The following SEMA6D variants were observed in gnomAD, a reference collection of about 807,000 sequenced individuals.
SEMA6D encodes semaphorin 6D, also known as semaphorin-6D.
A neutral mutation model predicts 106.6 loss-of-function variants in SEMA6D; 35 were observed. That is an observed-to-expected ratio of 0.33 (90% CI 0.25 to 0.44). SEMA6D has a LOEUF of 0.44. SEMA6D is among the 20% of genes least tolerant of loss of function. The pLI, the probability that SEMA6D is intolerant of heterozygous loss-of-function variation, is 1.00. For missense variants in SEMA6D, 1,185 were observed against 1,345.9 expected, an observed-to-expected ratio of 0.88 and a Z score of 1.87; for synonymous variants, 499 against 487.7, an observed-to-expected ratio of 1.02 and a Z score of -0.31.
chr15:47,729,922 A>G (rs1330132781), intron 1 of SEMA6D, among the ~76,000 whole-genome samples: 1 of 152,204 alleles, frequency 6.6e-6, no homozygotes, highest in Non-Finnish European at 1.5e-5. Context: ...ATCTGTGGAC[A>G]AGGACTGGCC....
chr15:47,280,115 C>T lies in SEMA6D; in HGVS notation c.-239+95697C>T, dbSNP rs542537207. 5.9e-5 allele frequency among the ~76,000 whole-genome samples: 9 copies of T among 152,098 alleles called. No homozygotes were observed. In the East Asian group the frequency reaches 1.5e-3, roughly 26 times the overall value. On this transcript the variant is annotated intron_variant, in intron 1 of 19. Transcript: ENST00000558014. Reference sequence around the variant, plus strand: ...TCAGAAGGAATGGTACCAGTTCCTCCTTGTACCTCTGGTAGAATTTGGCTG... The same window carrying T: ...TCAGAAGGAATGGTACCAGTTCCTCTTTGTACCTCTGGTAGAATTTGGCTG...
At chr15:47,250,647 C>A (rs919239177) in intron 1 of SEMA6D, among the ~76,000 whole-genome samples, 1 of 152,182 alleles carries the variant, frequency 6.6e-6, no homozygotes, top group Non-Finnish European at 1.5e-5. Context: ...CTCAGTTTAA[C>A]TGAATGTTAT....
chr15:47,759,956 G>A, intron 2 of SEMA6D, 49 bp downstream of exon 2: 1 of 1,362,440 alleles, frequency 7.3e-7, no homozygotes, highest in Non-Finnish European at 1.0e-6. Context: ...AAGCTTTTCT[G>A]TTTTTCATTC....
intron 4 of SEMA6D, among the ~76,000 whole-genome samples, chr15:47,659,584 C>A (rs182127926): frequency 9.2e-5 from 14 of 151,734 alleles, no homozygotes; most frequent in South Asian, 2.1e-4. Context: ...AAGAAAATGA[C>A]GACTAATAAA....
Position 47,207,988 on chromosome 15 carries a change from C to T in SEMA6D, c.-239+23570C>T, listed in dbSNP as rs916374362. Among the ~76,000 whole-genome samples the T allele has an allele frequency of 4.6e-4, 34 of 74,646 alleles. No homozygotes were observed. In the East Asian group the frequency reaches 9.9e-3, roughly 22 times the overall value. 49.0% of individuals were successfully genotyped at this position (74,646 alleles called of 152,430 possible). Reference sequence around the variant, plus strand: ...GAAACAGGTACAGTAGCCACTGGCGCGCGCGCACACACACACACACACACA... The same window carrying T: ...GAAACAGGTACAGTAGCCACTGGCGTGCGCGCACACACACACACACACACA... On this transcript the variant is annotated intron_variant, in intron 1 of 19. Transcript: ENST00000558014.
chr15:47,216,657 CAAT>C (rs1440173101), intron 1 of SEMA6D, among the ~76,000 whole-genome samples: 1 of 151,384 alleles, frequency 6.6e-6, no homozygotes, highest in Non-Finnish European at 1.5e-5. Context: ...TTGTAGAAAT[CAAT>C]AAGAAAAAAC....
chr15:47,583,125 C>G (rs761537754), intron 3 of SEMA6D, among the ~76,000 whole-genome samples: 3 of 152,110 alleles, frequency 2.0e-5, no homozygotes, highest in East Asian at 1.9e-4. Context: ...GATGTACATC[C>G]CTTTGGCCAT....
intron 3 of SEMA6D, among the ~76,000 whole-genome samples, chr15:47,490,854 A>C (rs1432675410): frequency 6.6e-6 from 1 of 152,220 alleles, no homozygotes; most frequent in African/African-American, 2.4e-5. Flanking sequence ...ATATATGAAA[A>C]TATGCTCCAT....
chr15:47,247,226 G>A (rs1173078925), intron 1 of SEMA6D, among the ~76,000 whole-genome samples: 1 of 152,104 alleles, frequency 6.6e-6, no homozygotes, highest in African/African-American at 2.4e-5. Flanking sequence ...GAGGAATGAG[G>A]AGAAAAGGGA....
At chr15:47,405,669 TC>T (rs1249942817) in intron 1 of SEMA6D, among the ~76,000 whole-genome samples, 1 of 152,210 alleles carries the variant, frequency 6.6e-6, no homozygotes. Flanking sequence ...GCGTGCCTCT[TC>T]TTTTGACTTG....
At chr15:47,617,602 T>C (rs2077029910) in intron 4 of SEMA6D, among the ~76,000 whole-genome samples, 1 of 152,184 alleles carries the variant, frequency 6.6e-6, no homozygotes, top group Admixed American at 6.5e-5. Context: ...TACAGGAATG[T>C]TGTAGAACAT....
At chr15:47,683,032 GA>G (rs2078391571) in intron 4 of SEMA6D, among the ~76,000 whole-genome samples, 2 of 152,216 alleles carry the variant, frequency 1.3e-5, no homozygotes, top group Admixed American at 1.3e-4. Flanking sequence ...AGCAGACCAT[GA>G]GTAGAAATGA....
chr15:47,433,897 T>A (rs1245796637), intron 2 of SEMA6D, among the ~76,000 whole-genome samples: 1 of 152,162 alleles, frequency 6.6e-6, no homozygotes, highest in East Asian at 1.9e-4. Flanking sequence ...AAGCATCATC[T>A]TCTAACCAGA....
At chr15:47,279,788 G>A (rs1172358492) in intron 1 of SEMA6D, among the ~76,000 whole-genome samples, 1 of 151,588 alleles carries the variant, frequency 6.6e-6, no homozygotes, top group Non-Finnish European at 1.5e-5. Context: ...AGATAATCAT[G>A]TGTTTTTTGT....
At chr15:47,645,569 G>T (rs1178305849) in intron 4 of SEMA6D, among the ~76,000 whole-genome samples, 1 of 151,242 alleles carries the variant, frequency 6.6e-6, no homozygotes, top group Non-Finnish European at 1.5e-5. Flanking sequence ...GACACCAAAT[G>T]TGTGGGGGTT....
chr15:47,740,389 G>A (rs566349563), intron 1 of SEMA6D, among the ~76,000 whole-genome samples: 14 of 151,708 alleles, frequency 9.2e-5, no homozygotes, highest in South Asian at 4.2e-4. Flanking sequence ...GCATGGTGGC[G>A]CGCGCCTGTA....
chr15:47,588,154 T>G (rs546745331), intron 3 of SEMA6D, among the ~76,000 whole-genome samples: 3 of 152,154 alleles, frequency 2.0e-5, no homozygotes, highest in African/African-American at 7.2e-5. Context: ...CTAATGAGAG[T>G]TGGCCAGCCC....
intron 1 of SEMA6D, among the ~76,000 whole-genome samples, chr15:47,246,922 G>C (rs531361944): frequency 6.6e-6 from 1 of 152,174 alleles, no homozygotes; most frequent in Admixed American, 6.5e-5. Context: ...GGTGTGTGGC[G>C]GCCAAATGAC....
intron 1 of SEMA6D, among the ~76,000 whole-genome samples, chr15:47,755,104 A>G (rs958625634): frequency 1.3e-5 from 2 of 151,946 alleles, no homozygotes; most frequent in African/African-American, 4.8e-5. Flanking sequence ...GGTGTGCACC[A>G]CCATGCCTGG....
Sources: gnomAD v4.1 joint callset for allele counts (sites outside exome capture counted in the v4.1 genomes callset) on GRCh38, gnomAD v4.1.1 for gene constraint, MANE v1.5 for transcripts, NCBI Gene and HGNC (gene_info 2026-07-23, HGNC 2026-07-21) for gene names.